ALPK3: variants seen among roughly 807,000 people sequenced by gnomAD.
ALPK3 encodes the protein alpha-protein kinase 3.
A neutral mutation model predicts 140.0 loss-of-function variants in ALPK3; 102 were observed. The observed-to-expected ratio is 0.73, with a 90% CI of 0.62 to 0.86. The LOEUF is 0.86. Among genes scored for constraint, ALPK3 ranks in the 40% least tolerant of loss-of-function variants. The pLI is 0.00. For synonymous variants in ALPK3, 938 were observed against 898.5 expected (o/e 1.04, Z -0.79); for missense variants, 2,254 against 2,208.2 (o/e 1.02, Z -0.42).
At chr15:84,834,982 C>T (rs558217459) in intron 3 of ALPK3, among the ~76,000 whole-genome samples, 75 of 152,380 alleles carry the variant, frequency 4.9e-4, no homozygotes, top group African/African-American at 1.7e-3. Context: ...GGGTTGGCCC[C>T]CACTGTGTAG....
At position 84,863,693 on chromosome 15, in the gene ALPK3, T is replaced by C. The variant is rs770957737; in HGVS notation, c.4499+53T>C. On this transcript the variant is annotated intron_variant, in intron 11 of 13. Transcript: ENST00000258888. ...GTGTGCAGCACTGTTGCCTTGGGCT[T>C]CTGCAAAGACAGTGATTTCACAGCC... 1.8e-4 allele frequency: 271 copies of C among 1,547,126 alleles called. 1 individual carries two copies. The highest frequency in any genetic ancestry group is 2.2e-4 in the Non-Finnish European group (255 of 1,136,474).
intron 5 of ALPK3, among the ~76,000 whole-genome samples, chr15:84,843,093 C>A (rs962081310): frequency 2.6e-5 from 4 of 152,180 alleles, no homozygotes; most frequent in African/African-American, 9.7e-5. Context: ...CTCTTCCTTG[C>A]CTCCCAAAGG....
rs548203307 is a variant in ALPK3 at position 84,858,386 on chromosome 15, G to A, written c.3648G>A (p.Thr1216=). 21 of 1,554,458 alleles carry A rather than the reference G, an allele frequency of 1.4e-5. No homozygotes were observed. The highest frequency in any genetic ancestry group is 2.4e-5 in the East Asian group (1 of 41,606). ...CAGGGCGGGAGAGACGCTCCCCTAC[G>A]CAGGGCAGAAAGGCGAGCATGCTGG... ...GTPGRERRSP[T]QGRKASMLEV... The change falls in exon 6 of 14, where the codon ACG becomes ACA. Residue 1216 remains threonine (T), a synonymous_variant. Transcript: ENST00000258888.
intron 5 of ALPK3, among the ~76,000 whole-genome samples, chr15:84,848,629 T>A (rs1963763222): frequency 6.6e-6 from 1 of 152,186 alleles, no homozygotes; most frequent in African/African-American, 2.4e-5. Flanking sequence ...ATAATTATAT[T>A]AACTATAAAT....
At position 84,862,262 on chromosome 15, in the gene ALPK3, C is replaced by T. The variant is rs988305248; in HGVS notation, c.4130-373C>T. ...TCATGTATTCATCTGATCAAAACAA[C>T]GAATTCCAAAACAAAGTAATTCTGG... On this transcript the variant is annotated intron_variant, in intron 9 of 13. Coordinates refer to ENST00000258888, the MANE Select transcript of ALPK3 (RefSeq NM_020778.5). Among the ~76,000 whole-genome samples, 6 of 152,190 alleles carry T rather than the reference C, an allele frequency of 3.9e-5. No homozygotes were observed. In the East Asian group the frequency reaches 7.7e-4, roughly 20 times the overall value.
intron 2 of ALPK3, among the ~76,000 whole-genome samples, chr15:84,824,399 C>T (rs1173999976): frequency 6.6e-6 from 1 of 152,240 alleles, no homozygotes; most frequent in East Asian, 1.9e-4. Flanking sequence ...CATTTCCTGG[C>T]TACTTCCCAC....
chr15:84,844,984 C>CTTGA (rs1158946772), intron 5 of ALPK3, among the ~76,000 whole-genome samples: 5 of 152,210 alleles, frequency 3.3e-5, no homozygotes, highest in African/African-American at 7.2e-5. Context: ...AGTAAATACA[C>CTTGA]TTGATTCTGT....
At chr15:84,830,051 A>G (rs1963529440) in intron 3 of ALPK3, among the ~76,000 whole-genome samples, 1 of 152,194 alleles carries the variant, frequency 6.6e-6, no homozygotes, top group African/African-American at 2.4e-5. Context: ...ACATTGTAGC[A>G]TACTATGCTT....
intron 1 of ALPK3, 75 bp from the exon 2 acceptor site, chr15:84,823,255 G>A: frequency 1.3e-6 from 2 of 1,547,060 alleles, no homozygotes; most frequent in South Asian, 1.1e-5. Flanking sequence ...CCGATTAATA[G>A]TTTGCGACTG....
In ALPK3 at chr15:84,872,892, G is replaced by A. The variant is rs1463055850; in HGVS notation, c.*4436G>A. On this transcript the variant is annotated 3_prime_UTR_variant, in exon 14 of 14. Transcript: ENST00000258888. ...TCTCCATTTAAGGTCTGGAAATCAAGTGGGAGATCTTGACTTTACCTTGGC... is the reference window on the plus strand; with the variant it reads ...TCTCCATTTAAGGTCTGGAAATCAAATGGGAGATCTTGACTTTACCTTGGC... 1 of 152,194 alleles carries A rather than the reference G, an allele frequency of 6.6e-6. No individual in the cohort carries two copies. The highest frequency in any genetic ancestry group is 1.5e-5 in the Non-Finnish European group (1 of 68,038). 9.4% of individuals were successfully genotyped at this position (152,194 alleles called of 1,614,324 possible).
At chr15:84,825,007 C>T (rs1963469048) in intron 2 of ALPK3, among the ~76,000 whole-genome samples, 1 of 152,074 alleles carries the variant, frequency 6.6e-6, no homozygotes, top group Non-Finnish European at 1.5e-5. Flanking sequence ...TACCCCAAAC[C>T]CACTTCCCTG....
intron 1 of ALPK3, among the ~76,000 whole-genome samples, chr15:84,818,173 T>C (rs1176299864): frequency 6.6e-6 from 1 of 152,120 alleles, no homozygotes; most frequent in African/African-American, 2.4e-5. Flanking sequence ...TGAGGTACTG[T>C]CTGGAGATGT....
intron 5 of ALPK3, among the ~76,000 whole-genome samples, chr15:84,847,238 AGAGAGAGAGAGG>A (rs774138557): frequency 8.0e-5 from 11 of 136,854 alleles, no homozygotes; most frequent in African/African-American, 2.5e-4. Context: ...AGAGAGAGAG[AGAGAGAGAGAGG>A]AATCAGAAAA....
intron 1 of ALPK3, among the ~76,000 whole-genome samples, chr15:84,823,076 CAA>C (rs1254441583): frequency 2.6e-5 from 4 of 152,220 alleles, no homozygotes; most frequent in Non-Finnish European, 5.9e-5. Flanking sequence ...AGCACAGCCC[CAA>C]AGGGCCTCCT....
chr15:84,867,398 G>A (rs1221716733), intron 13 of ALPK3, 33 bp downstream of exon 13: 2 of 1,612,490 alleles, frequency 1.2e-6, no homozygotes, highest in East Asian at 2.2e-5. Flanking sequence ...ATGCCCTCTG[G>A]GCGTCTTCTC....
intron 3 of ALPK3, among the ~76,000 whole-genome samples, chr15:84,836,726 T>C (rs1194288701): frequency 6.6e-6 from 1 of 152,208 alleles, no homozygotes; most frequent in Non-Finnish European, 1.5e-5. Context: ...AGAAATAACG[T>C]CCAGGGTAGA....
chr15:84,853,449 C>G (rs1213470941), intron 5 of ALPK3, among the ~76,000 whole-genome samples: 1 of 151,734 alleles, frequency 6.6e-6, no homozygotes, highest in Non-Finnish European at 1.5e-5. Context: ...CCCATCTCTA[C>G]TAAAAAATAC....
rs77303431 is a variant in ALPK3 at position 84,864,241 on chromosome 15, A to G, written c.4500-201A>G. Among the ~76,000 whole-genome samples the G allele has an allele frequency of 0.077, 11,663 of 152,260 alleles. 513 individuals carry two copies. Among genetic ancestry groups the G allele is most frequent in the East Asian group, 0.12 (619 of 5,184 alleles). On this transcript the variant is annotated intron_variant, in intron 11 of 13. Transcript: ENST00000258888. ...AATCCCACTGACCAAGAGAATGGAC[A>G]GGACTCTGAAGCCAAAAATATCCAT...
intron 3 of ALPK3, among the ~76,000 whole-genome samples, chr15:84,833,922 C>T (rs1039174762): frequency 6.6e-6 from 1 of 151,896 alleles, no homozygotes; most frequent in African/African-American, 2.4e-5. Flanking sequence ...GGGCTTCCCT[C>T]CTCCACTCTC....
Sources: allele counts gnomAD v4.1 joint callset (sites outside exome capture counted in the v4.1 genomes callset), GRCh38; gene constraint gnomAD v4.1.1; transcripts MANE v1.5; gene names NCBI Gene and HGNC (gene_info 2026-07-23, HGNC 2026-07-21).